NAALADL2: variants seen among roughly 807,000 people sequenced by gnomAD.
The protein encoded by NAALADL2 is N-acetylated alpha-linked acidic dipeptidase like 2.
NAALADL2 carries 76 observed loss-of-function variants against 87.2 expected under a neutral mutation model. That is an observed-to-expected ratio of 0.87 (90% CI 0.72 to 1.05). The LOEUF is 1.05. Ranked by LOEUF, NAALADL2 falls within the 50% of genes least tolerant of loss-of-function variation. The pLI is 0.00. For synonymous variants in NAALADL2, 354 were observed against 331.0 expected, an observed-to-expected ratio of 1.07 and a Z score of -0.75; for missense variants, 1,089 against 945.8, an observed-to-expected ratio of 1.15 and a Z score of -1.99.
chr3:175,067,722 C>T (rs1262666086), intron 1 of NAALADL2, among the ~76,000 whole-genome samples: 3 of 152,026 alleles, frequency 2.0e-5, no homozygotes, highest in African/African-American at 4.8e-5. Flanking sequence ...ACCGTTTGAC[C>T]CAGCAATCCC....
intron 1 of NAALADL2, among the ~76,000 whole-genome samples, chr3:174,875,553 A>G (rs1297823001): frequency 1.3e-5 from 2 of 152,180 alleles, no homozygotes; most frequent in Non-Finnish European, 2.9e-5. Context: ...AATGATTTCT[A>G]AAGTTCTTTC....
intron 3 of NAALADL2, among the ~76,000 whole-genome samples, chr3:174,811,436 A>AG (rs1720196023): frequency 6.6e-6 from 1 of 152,142 alleles, no homozygotes; most frequent in Non-Finnish European, 1.5e-5. Context: ...ATAGAGTCAA[A>AG]GGGGATTGTT....
chr3:175,583,664 A>G lies in NAALADL2; in HGVS notation c.1800+7477A>G, dbSNP rs1720121509. Among the ~76,000 whole-genome samples, 2 of 152,170 alleles carry G rather than the reference A, an allele frequency of 1.3e-5. 1 individual carries two copies. Among genetic ancestry groups the G allele is most frequent in the South Asian group, 4.1e-4 (2 of 4,830 alleles). On this transcript the variant is annotated intron_variant, in intron 10 of 13. Transcript: ENST00000454872. ...TATAGGGCAAGAAAGAAATAATAGA[A>G]TTTTATTCAACAAGACAATGTTCAG...
chr3:175,276,623 C>T (rs1753639627), intron 4 of NAALADL2, among the ~76,000 whole-genome samples: 1 of 152,072 alleles, frequency 6.6e-6, no homozygotes, highest in East Asian at 1.9e-4. Flanking sequence ...TTTCTAACCC[C>T]ATAGCTTTCA....
intron 1 of NAALADL2, among the ~76,000 whole-genome samples, chr3:174,496,511 T>A (rs1218623691): frequency 3.0e-4 from 4 of 13,550 alleles, no homozygotes; most frequent in Non-Finnish European, 3.7e-4. Flanking sequence ...ATTTATATAT[T>A]ATATATATAT....
chr3:175,636,198 TTGTG>T (rs3040732), intron 11 of NAALADL2, among the ~76,000 whole-genome samples: 1 of 150,862 alleles, frequency 6.6e-6, no homozygotes, highest in Non-Finnish European at 1.5e-5. Flanking sequence ...AAATCCTAAA[TTGTG>T]TGTGTGTGTG....
At chr3:175,055,983 T>C (rs73176723) in intron 1 of NAALADL2, among the ~76,000 whole-genome samples, 23,410 of 152,044 alleles carry the variant, frequency 0.15, 2,066 homozygotes, top group Admixed American at 0.22. Flanking sequence ...ATCTGGGCGG[T>C]GTATTCTAAC....
At chr3:174,761,110 T>A (rs1712883562) in intron 3 of NAALADL2, among the ~76,000 whole-genome samples, 1 of 152,200 alleles carries the variant, frequency 6.6e-6, no homozygotes. Context: ...TCACATGTCA[T>A]ATTGACTTTA....
chr3:175,646,640 A>T (rs1235447919), intron 11 of NAALADL2, among the ~76,000 whole-genome samples: 1 of 152,092 alleles, frequency 6.6e-6, no homozygotes, highest in African/African-American at 2.4e-5. Flanking sequence ...AGAGTTAAAG[A>T]TATGGTTACA....
chr3:175,740,038 G>A (rs964950760), intron 12 of NAALADL2, among the ~76,000 whole-genome samples: 7 of 152,036 alleles, frequency 4.6e-5, no homozygotes, highest in Non-Finnish European at 8.8e-5. Flanking sequence ...GGACAGAAAA[G>A]GTCTAAGACT....
intron 12 of NAALADL2, among the ~76,000 whole-genome samples, chr3:175,742,948 G>A (rs1248896371): frequency 6.6e-6 from 1 of 151,880 alleles, no homozygotes; most frequent in African/African-American, 2.4e-5. Context: ...GGGTATCTCT[G>A]GAATAAAAGT....
At position 175,002,547 on chromosome 3, in the gene NAALADL2, A is replaced by G. The variant is rs77755204; in HGVS notation, c.44-94243A>G. The stretch of plus-strand genomic sequence containing the variant: ...ATGATATGCTGGTCATGAAACAAGC[A>G]AAGATCTCTCACAATGAGCTGAAAA... On this transcript the variant is annotated intron_variant, in intron 1 of 13. Coordinates refer to ENST00000454872, the MANE Select transcript of NAALADL2 (RefSeq NM_207015.3). 2.9e-3 allele frequency among the ~76,000 whole-genome samples: 449 copies of G among 152,304 alleles called. 16 individuals are homozygous for G. The East Asian group carries it at 0.067, about 23-fold the overall frequency.
At chr3:174,917,850 C>A (rs1734615702) in intron 1 of NAALADL2, among the ~76,000 whole-genome samples, 1 of 151,846 alleles carries the variant, frequency 6.6e-6, no homozygotes, top group Admixed American at 6.6e-5. Flanking sequence ...AAATAAAGAT[C>A]ATTTTCATCA....
At chr3:174,673,889 G>A (rs1295477136) in intron 2 of NAALADL2, among the ~76,000 whole-genome samples, 1 of 151,964 alleles carries the variant, frequency 6.6e-6, no homozygotes, top group Non-Finnish European at 1.5e-5. Flanking sequence ...CACAATGTAT[G>A]CATGTATCAA....
intron 9 of NAALADL2, among the ~76,000 whole-genome samples, chr3:175,472,232 G>A (rs775820243): frequency 1.1e-4 from 16 of 151,500 alleles, no homozygotes; most frequent in Non-Finnish European, 1.9e-4. Flanking sequence ...AATATTGTTT[G>A]AAAAATTACC....
chr3:174,787,621 A>AT (rs1578931205), intron 3 of NAALADL2, among the ~76,000 whole-genome samples: 6 of 109,240 alleles, frequency 5.5e-5, no homozygotes, highest in African/African-American at 1.9e-4. Context: ...ATATATATAT[A>AT]GTAGTGACTC....
At chr3:175,059,928 A>T (rs1391656763) in intron 1 of NAALADL2, 2 of 409,222 alleles carry the variant, frequency 4.9e-6, no homozygotes, top group East Asian at 1.6e-4. Flanking sequence ...ATACTGCCAC[A>T]TCTGCTTGTG....
intron 2 of NAALADL2, among the ~76,000 whole-genome samples, chr3:174,674,707 T>C (rs1352067963): frequency 6.6e-6 from 1 of 152,062 alleles, no homozygotes; most frequent in Admixed American, 6.6e-5. Context: ...GTCTATTTTT[T>C]TACACTATCA....
intron 1 of NAALADL2, among the ~76,000 whole-genome samples, chr3:175,057,564 G>A (rs1407434799): frequency 6.6e-6 from 1 of 152,188 alleles, no homozygotes; most frequent in African/African-American, 2.4e-5. Context: ...CTGGGGAACA[G>A]ACTGTTGGCT....
Sources: allele counts gnomAD v4.1 joint callset (sites outside exome capture counted in the v4.1 genomes callset), GRCh38; gene constraint gnomAD v4.1.1; transcripts MANE v1.5; gene names NCBI Gene and HGNC (gene_info 2026-07-23, HGNC 2026-07-21).